MGST1: variants seen among roughly 807,000 people sequenced by gnomAD.
The protein encoded by MGST1 is glutathione S-transferase 12.
Under a neutral mutation model 8.9 loss-of-function variants are expected in MGST1, and 5 were observed. That is an observed-to-expected ratio of 0.56 (90% CI 0.29 to 1.19). MGST1 has a LOEUF of 1.19. MGST1 is among the 50% of genes most tolerant of loss of function. The pLI, the probability that MGST1 is intolerant of heterozygous loss-of-function variation, is 0.08. For missense variants in MGST1, 182 were observed against 187.4 expected (o/e 0.97, Z 0.17); for synonymous variants, 54 against 67.8 (o/e 0.80, Z 1.00).
intron 4 of MGST1, among the ~76,000 whole-genome samples, chr12:16,554,765 T>C (rs1200791212): frequency 6.6e-6 from 1 of 152,196 alleles, no homozygotes; most frequent in Non-Finnish European, 1.5e-5. Context: ...CCCGCCATTC[T>C]CCTGCCTCAG....
intron 4 of MGST1, among the ~76,000 whole-genome samples, chr12:16,553,726 C>CATAT (rs542865307): frequency 1.3e-5 from 2 of 152,150 alleles, no homozygotes; most frequent in East Asian, 3.9e-4. Context: ...AAAAATGCTT[C>CATAT]ATATATAAAT....
chr12:16,352,716 C>T (rs183129071), intron 1 of MGST1, among the ~76,000 whole-genome samples: 3 of 152,292 alleles, frequency 2.0e-5, no homozygotes, highest in South Asian at 2.1e-4. Flanking sequence ...CTCTACTCAA[C>T]GGCTTTTAGT....
chr12:16,351,542 G>T (rs2136920963), intron 1 of MGST1, among the ~76,000 whole-genome samples: 1 of 152,232 alleles, frequency 6.6e-6, no homozygotes, highest in East Asian at 1.9e-4. Flanking sequence ...AGGCATGGTG[G>T]CTCATGCCTG....
rs2137603112 is a variant in MGST1, at chr12:16,589,139, T to C, written n.483-389T>C. Among the ~76,000 whole-genome samples, 1 of 152,254 alleles carries C rather than the reference T, an allele frequency of 6.6e-6. No homozygotes were observed. Among genetic ancestry groups the C allele is most frequent in the Non-Finnish European group, 1.5e-5 (1 of 68,002 alleles). Reference sequence around the variant, plus strand: ...GCCTCTAAGATCTACGAATTAGATGTAACCTCACCCAGTTTGGAAGATTTT... The same window carrying C: ...GCCTCTAAGATCTACGAATTAGATGCAACCTCACCCAGTTTGGAAGATTTT... On this transcript the variant is annotated intron_variant and non_coding_transcript_variant, in intron 4 of 4. Coordinates refer to the MGST1 transcript ENST00000538857. The surrounding 1 kb of genome is among the most constrained non-coding windows in gnomAD (Gnocchi z 4.2).
intron 4 of MGST1, among the ~76,000 whole-genome samples, chr12:16,558,683 C>T (rs968630422): frequency 2.0e-5 from 3 of 152,042 alleles, no homozygotes; most frequent in African/African-American, 7.2e-5. Flanking sequence ...ACATGACTGT[C>T]TGGGTAACTA....
intron 1 of MGST1, among the ~76,000 whole-genome samples, chr12:16,395,770 A>G (rs1940598219): frequency 9.2e-6 from 1 of 109,270 alleles, no homozygotes; most frequent in Non-Finnish European, 1.8e-5. Flanking sequence ...ATGGCTGAGT[A>G]GTATTCCATC....
At chr12:16,463,936 C>A (rs2111158) in intron 4 of MGST1, among the ~76,000 whole-genome samples, 145,500 of 152,264 alleles carry the variant, frequency 0.96, 69,892 homozygotes, top group Middle Eastern at 1. Flanking sequence ...GAAGTCATAA[C>A]GTATATGACT....
At chr12:16,374,536 A>C (rs1171336134) in intron 3 of MGST1, among the ~76,000 whole-genome samples, 1 of 152,130 alleles carries the variant, frequency 6.6e-6, no homozygotes. Flanking sequence ...ACTGATTAGC[A>C]TTTTAAACTA....
At chr12:16,551,789 T>C (rs1942000229) in intron 4 of MGST1, among the ~76,000 whole-genome samples, 1 of 152,066 alleles carries the variant, frequency 6.6e-6, no homozygotes, top group Non-Finnish European at 1.5e-5. Context: ...GAAAATAGCC[T>C]ATTTTAAAGC....
chr12:16,514,981 T>C (rs918852967), intron 4 of MGST1, among the ~76,000 whole-genome samples: 3 of 152,176 alleles, frequency 2.0e-5, no homozygotes, highest in Non-Finnish European at 2.9e-5. Flanking sequence ...AATTATGCTA[T>C]TGGAATATTT....
chr12:16,373,732 C>A (rs374666638), intron 3 of MGST1, among the ~76,000 whole-genome samples: 8 of 152,184 alleles, frequency 5.3e-5, no homozygotes, highest in Admixed American at 2.6e-4. Context: ...ACTAAGAACA[C>A]CACTTTATTT....
intron 4 of MGST1, among the ~76,000 whole-genome samples, chr12:16,491,606 T>C (rs1223129423): frequency 2.6e-5 from 3 of 117,144 alleles, no homozygotes; most frequent in Non-Finnish European, 6.6e-5. Flanking sequence ...AAGGCACCGA[T>C]TTTAAACTGA....
downstream of MGST1, among the ~76,000 whole-genome samples, chr12:16,381,540 T>C (rs1940454117): frequency 6.6e-6 from 1 of 152,214 alleles, no homozygotes; most frequent in South Asian, 2.1e-4. Context: ...CCTTTGTGGG[T>C]AACCCGACCT....
chr12:16,534,256 A>C (rs1941740258), intron 4 of MGST1, among the ~76,000 whole-genome samples: 2 of 152,256 alleles, frequency 1.3e-5, no homozygotes, highest in South Asian at 4.1e-4. Context: ...GGAGGAAAGT[A>C]CTATGAAACA....
chr12:16,538,594 G>A (rs1339892263), intron 4 of MGST1, among the ~76,000 whole-genome samples: 1 of 149,606 alleles, frequency 6.7e-6, no homozygotes, highest in Non-Finnish European at 1.5e-5. Context: ...CATGGCAAGA[G>A]ATGAAAGGCA....
At chr12:16,483,305 C>A (rs1941377247) in intron 4 of MGST1, among the ~76,000 whole-genome samples, 1 of 151,916 alleles carries the variant, frequency 6.6e-6, no homozygotes, top group Admixed American at 6.6e-5. Flanking sequence ...TAATAATTTT[C>A]TTCCTGATTA....
chr12:16,481,264 C>A (rs946581353), intron 4 of MGST1, among the ~76,000 whole-genome samples: 25 of 152,270 alleles, frequency 1.6e-4, no homozygotes, highest in African/African-American at 6.0e-4. Context: ...GCAATTAAGG[C>A]AGATCTGGGT....
chr12:16,530,972 C>G (rs1243514926), intron 4 of MGST1, among the ~76,000 whole-genome samples: 1 of 151,782 alleles, frequency 6.6e-6, no homozygotes, highest in African/African-American at 2.4e-5. Context: ...CTTGAAGCAT[C>G]TTTTAGGCAT....
Position 16,363,779 on chromosome 12 carries a change from T to C in MGST1, c.222-16T>C, listed in dbSNP as rs1940105598. 1.3e-6 allele frequency: 2 copies of C among 1,575,798 alleles called. No individual in the cohort carries two copies. Among genetic ancestry groups the C allele is most frequent in the South Asian group, 2.3e-5 (2 of 87,338 alleles). On this transcript the variant is annotated splice_polypyrimidine_tract_variant and intron_variant, in intron 3 of 3. Transcript: ENST00000396210. This position sits in a 1 kb window ranked among gnomAD's most constrained non-coding sequence, Gnocchi z 4.6. Reference sequence around the variant, plus strand: ...ATTTTGAAATTAGTGTCTTTAATAGTTATCTTTTTCCACAGAGCCCACCTG... The same window carrying C: ...ATTTTGAAATTAGTGTCTTTAATAGCTATCTTTTTCCACAGAGCCCACCTG...
Sources: gnomAD v4.1 joint callset for allele counts (sites outside exome capture counted in the v4.1 genomes callset) on GRCh38, gnomAD v4.1.1 for gene constraint, Gnocchi (gnomAD v3.1) non-coding constraint, MANE v1.5 for transcripts, NCBI Gene and HGNC (gene_info 2026-07-23, HGNC 2026-07-21) for gene names.